BBS5: variants seen among roughly 807,000 people sequenced by gnomAD.
BBS5 encodes the protein Bardet-Biedl syndrome 5, also known as BBSome complex member BBS5.
In BBS5, 39 loss-of-function variants were observed where a neutral mutation model predicts 50.2. That is an observed-to-expected ratio of 0.78 (90% CI 0.60 to 1.01). BBS5 has a LOEUF of 1.01. Ranked by LOEUF, BBS5 falls within the 50% of genes least tolerant of loss-of-function variation. The pLI is 0.00. For missense variants in BBS5, 356 were observed against 401.5 expected (o/e 0.89, Z 0.97); for synonymous variants, 134 against 133.1 (o/e 1.01, Z -0.05).
chr2:169,483,232 G>C (rs1307392546), intron 2 of BBS5, among the ~76,000 whole-genome samples: 1 of 152,204 alleles, frequency 6.6e-6, no homozygotes, highest in African/African-American at 2.4e-5. Context: ...CTTCTGACCT[G>C]CTCTGAGGTG....
At chr2:169,482,461 A>G in intron 2 of BBS5, 128 bp downstream of exon 2, 1 of 750,076 alleles carries the variant, frequency 1.3e-6, no homozygotes, top group Non-Finnish European at 2.4e-6. Context: ...AGTTAAATTC[A>G]CATAAGACTT....
chr2:169,487,879 A>G (rs1683513065), intron 4 of BBS5, 24 bp downstream of exon 4: 2 of 1,577,042 alleles, frequency 1.3e-6, no homozygotes, highest in African/African-American at 1.3e-5. Context: ...ATCTTATTGC[A>G]ATATATATAT....
chr2:169,491,919 C>T (rs939575854), intron 5 of BBS5, among the ~76,000 whole-genome samples: 1 of 152,052 alleles, frequency 6.6e-6, no homozygotes, highest in Non-Finnish European at 1.5e-5. Flanking sequence ...GCCTCAGTCT[C>T]CCAAGTAGAT....
rs1683842619 is a variant in BBS5 at position 169,503,309 on chromosome 2, T to A, written c.900+131T>A. ...GGTGTCTTAAACCTGAGTTTGAAGA[T>A]AATATTTTTAGTGAGGGATTTCTTT... is the stretch of plus-strand genomic sequence containing the variant. On this transcript the variant is annotated intron_variant, in intron 10 of 11. Coordinates refer to ENST00000295240, the MANE Select transcript of BBS5 (RefSeq NM_152384.3). The A allele has an allele frequency of 4.0e-6, 3 of 758,430 alleles. No homozygotes were observed. The South Asian group carries it at 4.7e-5, about 12-fold the overall frequency. The allele number at this position is 758,430 out of a possible 1,614,324, so 47.0% of individuals were successfully genotyped here.
intron 9 of BBS5, among the ~76,000 whole-genome samples, chr2:169,502,800 TAATGTGAAAGA>T (rs543172169): frequency 6.6e-6 from 1 of 152,330 alleles, no homozygotes; most frequent in African/African-American, 2.4e-5. Flanking sequence ...TTTTTCTAAA[TAATGTGAAAGA>T]AATGTGAAAG....
intron 2 of BBS5, among the ~76,000 whole-genome samples, chr2:169,484,725 GGT>G (rs1358965164): frequency 6.6e-6 from 1 of 152,152 alleles, no homozygotes. Flanking sequence ...ATGCTGCTTA[GGT>G]GTAAAATGGC....
At chr2:169,494,530 G>A (rs1252361929) in intron 7 of BBS5, among the ~76,000 whole-genome samples, 5 of 151,014 alleles carry the variant, frequency 3.3e-5, no homozygotes, top group African/African-American at 4.9e-5. Context: ...CAGCATGGGC[G>A]ACATAGCTAG....
At chr2:169,479,845 G>T (rs1683357185) in intron 1 of BBS5, among the ~76,000 whole-genome samples, 1 of 152,200 alleles carries the variant, frequency 6.6e-6, no homozygotes, top group South Asian at 2.1e-4. Context: ...TTGGTCCCAT[G>T]CGACCTCCGG....
At chr2:169,503,694 A>G (rs1259016473) in intron 10 of BBS5, among the ~76,000 whole-genome samples, 4 of 152,234 alleles carry the variant, frequency 2.6e-5, no homozygotes, top group Non-Finnish European at 5.9e-5. Context: ...TTTGAAATGG[A>G]CATGTATTTG....
rs774387817 is a variant in BBS5, at chr2:169,499,479, C to A, written c.682-7C>A. The A allele has an allele frequency of 1.2e-6, 2 of 1,611,452 alleles. No individual in the cohort carries two copies. The highest frequency in any genetic ancestry group is 1.7e-5 in the Admixed American group (1 of 59,926). On this transcript the variant is annotated splice_region_variant and splice_polypyrimidine_tract_variant and intron_variant, in intron 8 of 11. Coordinates refer to ENST00000295240, the MANE Select transcript of BBS5 (RefSeq NM_152384.3). Reference sequence around the variant, plus strand: ...TGGGTTTTTTTTTATTATTTTTTCTCTTGTAGAGTGGTGGATATGTTCTTG... The same window carrying A: ...TGGGTTTTTTTTTATTATTTTTTCTATTGTAGAGTGGTGGATATGTTCTTG...
At chr2:169,485,616 T>C (rs1268565627) in intron 2 of BBS5, among the ~76,000 whole-genome samples, 1 of 152,230 alleles carries the variant, frequency 6.6e-6, no homozygotes, top group Admixed American at 6.5e-5. Context: ...TTAAAGAACT[T>C]CTAGTATGTC....
chr2:169,504,925 G>A lies in BBS5; in HGVS notation c.*343G>A. 1 of 1,613,742 alleles carries A rather than the reference G, an allele frequency of 6.2e-7. No individual in the cohort carries two copies. Among genetic ancestry groups the A allele is most frequent in the Non-Finnish European group, 8.5e-7 (1 of 1,179,944 alleles). Reference sequence around the variant, plus strand: ...CAGCCAATGGGGACGTTGCGGCCCAGTGGGTGGAGGTCCAAAGAGGACTGG... The same window carrying A: ...CAGCCAATGGGGACGTTGCGGCCCAATGGGTGGAGGTCCAAAGAGGACTGG... On this transcript the variant is annotated 3_prime_UTR_variant, in exon 12 of 12. Coordinates refer to ENST00000295240, the MANE Select transcript of BBS5 (RefSeq NM_152384.3).
At position 169,481,355 on chromosome 2, in the gene BBS5, G is replaced by T. The variant is rs186688830; in HGVS notation, c.60-896G>T. Among the ~76,000 whole-genome samples, 4 of 152,314 alleles carry T rather than the reference G, an allele frequency of 2.6e-5. No homozygotes were observed. In the East Asian group the frequency reaches 7.7e-4, roughly 29 times the overall value. ...GAGAGTATTCCAGAAAAGAAGAAAA[G>T]AATTTAGCGTTAGAAGCAGTCTTGG... On this transcript the variant is annotated intron_variant, in intron 1 of 11. Transcript: ENST00000295240.
intron 9 of BBS5, among the ~76,000 whole-genome samples, chr2:169,502,474 G>A (rs1683827903): frequency 6.6e-6 from 1 of 152,120 alleles, no homozygotes; most frequent in African/African-American, 2.4e-5. Flanking sequence ...GATAAAAAAT[G>A]GCAGTTTCTT....
At chr2:169,490,455 A>ATCCG (rs982532292) in intron 5 of BBS5, among the ~76,000 whole-genome samples, 1 of 152,074 alleles carries the variant, frequency 6.6e-6, no homozygotes, top group African/African-American at 2.4e-5. Context: ...TGACCTTGTG[A>ATCCG]TCCGCCCACC....
chr2:169,483,370 T>C lies in BBS5; in HGVS notation c.142+1037T>C, dbSNP rs553292920. ...TGCTGCTGGCTCTTTTATGTACATA[T>C]GTCTCGAACTCCTGACTTCAAGTGA... On this transcript the variant is annotated intron_variant, in intron 2 of 11. Transcript: ENST00000295240. Among the ~76,000 whole-genome samples the C allele has an allele frequency of 5.9e-5, 9 of 152,096 alleles. No homozygotes were observed. The South Asian group carries it at 1.0e-3, about 18-fold the overall frequency.
At chr2:169,504,262 A>T in intron 10 of BBS5, 41 bp from the exon 11 acceptor site, 2 of 1,580,088 alleles carry the variant, frequency 1.3e-6, no homozygotes, top group South Asian at 2.2e-5. Context: ...TTCGAATATT[A>T]TATGTCCAGT....
chr2:169,505,056 C>G lies in BBS5; in HGVS notation c.*474C>G. On this transcript the variant is annotated 3_prime_UTR_variant, in exon 12 of 12. Transcript: ENST00000295240. ...CTCTGGCTCACTGCAACCTCCCTGC[C>G]TGATTCTCCTGCCTCAGCCTGCCGA... is the stretch of plus-strand genomic sequence containing the variant. 7.1e-7 allele frequency: 1 copy of G among 1,414,170 alleles called. No homozygotes were observed. Among genetic ancestry groups the G allele is most frequent in the South Asian group, 1.2e-5 (1 of 86,906 alleles). 87.6% of individuals were successfully genotyped at this position (1,414,170 alleles called of 1,614,324 possible).
At chr2:169,498,732 G>C (rs1300484548) in intron 8 of BBS5, among the ~76,000 whole-genome samples, 1 of 151,736 alleles carries the variant, frequency 6.6e-6, no homozygotes. Flanking sequence ...GCGCGAACCC[G>C]GGAGGCGGAG....
Sources: gnomAD v4.1 joint callset for allele counts (sites outside exome capture counted in the v4.1 genomes callset) on GRCh38, gnomAD v4.1.1 for gene constraint, MANE v1.5 for transcripts, NCBI Gene and HGNC (gene_info 2026-07-23, HGNC 2026-07-21) for gene names.